The following SLIT2 variants were observed in gnomAD, a reference collection of about 807,000 sequenced individuals.
The protein encoded by SLIT2 is slit homolog 2 protein.
In SLIT2, 41 loss-of-function variants were observed where a neutral mutation model predicts 185.7. The observed-to-expected ratio is 0.22, with a 90% confidence interval of 0.17 to 0.29. SLIT2 has a LOEUF of 0.29. Among genes scored for constraint, SLIT2 ranks in the 10% least tolerant of loss-of-function variants. SLIT2 has a pLI of 1.00. For synonymous variants in SLIT2, 693 were observed against 680.2 expected (o/e 1.02, Z -0.29); for missense variants, 1,571 against 1,909.0 (o/e 0.82, Z 3.30).
chr4:20,356,807 C>T (rs185385686), intron 4 of SLIT2, among the ~76,000 whole-genome samples: 1 of 152,244 alleles, frequency 6.6e-6, no homozygotes, highest in East Asian at 1.9e-4. Context: ...CAGTGCAAAG[C>T]TCTCCGGCCA....
At chr4:20,554,307 G>C (rs1489121797) in intron 26 of SLIT2, 1 of 465,460 alleles carries the variant, frequency 2.1e-6, no homozygotes, top group Non-Finnish European at 4.3e-6. Context: ...CCTGCTCCTA[G>C]GGCTGCCAGG....
chr4:20,279,526 A>G (rs1214205206), intron 4 of SLIT2, among the ~76,000 whole-genome samples: 1 of 152,150 alleles, frequency 6.6e-6, no homozygotes, highest in Non-Finnish European at 1.5e-5. Flanking sequence ...ATTCTATGGT[A>G]CATTATAATG....
Position 20,382,907 on chromosome 4 carries a change from A to G in SLIT2, c.396-84845A>G, listed in dbSNP as rs1724645038. Among the ~76,000 whole-genome samples the G allele has an allele frequency of 2.6e-5, 4 of 152,178 alleles. No homozygotes were observed. The South Asian group carries it at 8.3e-4, about 32-fold the overall frequency. On this transcript the variant is annotated intron_variant, in intron 4 of 36. Coordinates refer to ENST00000504154, the MANE Select transcript of SLIT2 (RefSeq NM_004787.4). ...AAACTGATTTTAAGACTTAATGTAA[A>G]GCTGCAGTACTCTACACAGTGTGGC...
chr4:20,518,900 C>T (rs1720563217), intron 11 of SLIT2, among the ~76,000 whole-genome samples: 1 of 152,054 alleles, frequency 6.6e-6, no homozygotes, highest in East Asian at 1.9e-4. Flanking sequence ...GCCACCGCGC[C>T]CGGCCATGTA....
chr4:20,375,845 T>A (rs1426687955), intron 4 of SLIT2, among the ~76,000 whole-genome samples: 1 of 152,078 alleles, frequency 6.6e-6, no homozygotes, highest in African/African-American at 2.4e-5. Context: ...GCTTTCATTT[T>A]AAAAATATTT....
At chr4:20,365,037 C>T (rs1182213443) in intron 4 of SLIT2, among the ~76,000 whole-genome samples, 2 of 152,120 alleles carry the variant, frequency 1.3e-5, no homozygotes, top group African/African-American at 4.8e-5. Flanking sequence ...CTCTTTCCAG[C>T]TTCGACTCAC....
chr4:20,595,849 G>A lies in SLIT2; in HGVS notation c.3320+15G>A, dbSNP rs1302097550. The A allele has an allele frequency of 3.1e-6, 5 of 1,610,518 alleles. No homozygotes were observed. The highest frequency in any genetic ancestry group is 3.4e-6 in the Non-Finnish European group (4 of 1,177,180). ...GAAGGTTACAGGTAAAAGCAGAAAT[G>A]AATAAGACCTAGTGTTCAATAAGAC... On this transcript the variant is annotated intron_variant, in intron 31 of 36. Transcript: ENST00000504154.
At chr4:20,320,775 C>G (rs1163966348) in intron 4 of SLIT2, among the ~76,000 whole-genome samples, 1 of 152,168 alleles carries the variant, frequency 6.6e-6, no homozygotes, top group Non-Finnish European at 1.5e-5. Flanking sequence ...ATAGCCCACT[C>G]CAACTTCTAT....
At chr4:20,556,729 T>TAAC (rs760421836) in intron 26 of SLIT2, among the ~76,000 whole-genome samples, 5 of 135,540 alleles carry the variant, frequency 3.7e-5, no homozygotes, top group South Asian at 2.5e-4. Context: ...TAGAAATTAT[T>TAAC]AACAACAACA....
chr4:20,457,081 T>C (rs550729508), intron 4 of SLIT2, among the ~76,000 whole-genome samples: 1 of 152,228 alleles, frequency 6.6e-6, no homozygotes, highest in East Asian at 1.9e-4. Context: ...ACCTGGTAAA[T>C]AGGTAATTTT....
At chr4:20,318,866 C>A (rs1718816922) in intron 4 of SLIT2, among the ~76,000 whole-genome samples, 1 of 152,162 alleles carries the variant, frequency 6.6e-6, no homozygotes, top group African/African-American at 2.4e-5. Flanking sequence ...GGATTCCACT[C>A]TGGGGACTTA....
chr4:20,533,684 A>G lies in SLIT2; in HGVS notation c.1801A>G (p.Met601Val). 4 of 1,613,760 alleles carry G rather than the reference A, an allele frequency of 2.5e-6. No individual in the cohort carries two copies. The highest frequency in any genetic ancestry group is 3.4e-6 in the Non-Finnish European group (4 of 1,179,830). ...SNRLENVQHK[M>V]FKGLESLKTL... is the part of the protein sequence containing the mutation. The stretch of plus-strand genomic sequence containing the variant: ...TCGTTTGGAAAATGTGCAGCATAAG[A>G]TGTTCAAGGGATTGGAAAGCCTCAA... Residue 601 changes from methionine to valine, a missense_variant, in exon 18 of 37, where the codon ATG becomes GTG. Coordinates refer to ENST00000504154, the MANE Select transcript of SLIT2 (RefSeq NM_004787.4).
In SLIT2 at chr4:20,467,801, G is replaced by A. The variant is rs974966754; in HGVS notation, c.445G>A (p.Gly149Arg). The change falls in exon 5 of 37, where the codon GGG becomes AGG. Residue 149 changes from glycine (G) to arginine (R), a missense_variant. Physicochemically the swap from Gly to Arg is moderately radical, Grantham distance 125. Transcript: ENST00000504154. ...GGCAATCCCAAGGAAAGCTTTCCGT[G>A]GGGCAGTTGACATAAAAAATTTGTA... The part of the protein sequence containing the change: ...IQAIPRKAFR[G>R]AVDIKNLQLD... The A allele has an allele frequency of 1.3e-6, 2 of 1,592,028 alleles. No individual in the cohort carries two copies. The highest frequency in any genetic ancestry group is 3.4e-5 in the Admixed American group (2 of 58,692).
At chr4:20,328,880 A>G (rs1450364032) in intron 4 of SLIT2, among the ~76,000 whole-genome samples, 1 of 152,108 alleles carries the variant, frequency 6.6e-6, no homozygotes, top group East Asian at 1.9e-4. Context: ...GTGTATGTAC[A>G]TGTGTGCACA....
chr4:20,562,194 C>T (rs530171271), intron 26 of SLIT2, among the ~76,000 whole-genome samples: 2 of 151,916 alleles, frequency 1.3e-5, no homozygotes. Flanking sequence ...TCTATCTTGC[C>T]AATTTAGTGG....
At chr4:20,256,153 A>C (rs1234337498) in intron 1 of SLIT2, among the ~76,000 whole-genome samples, 1 of 152,186 alleles carries the variant, frequency 6.6e-6, no homozygotes, top group African/African-American at 2.4e-5. Flanking sequence ...TATGAATGCA[A>C]GTCTTTGAAG....
At position 20,389,513 on chromosome 4, in the gene SLIT2, G is replaced by A. The variant is rs560908369; in HGVS notation, c.396-78239G>A. ...GTATAATGGGACATTTAAAGAGAGT[G>A]AGAAATTAAGTTGTTATGTGTTTTT... On this transcript the variant is annotated intron_variant, in intron 4 of 36. Transcript: ENST00000504154. 2.0e-5 allele frequency among the ~76,000 whole-genome samples: 3 copies of A among 151,900 alleles called. No homozygotes were observed. In the East Asian group the frequency reaches 5.8e-4, roughly 29 times the overall value.
intron 36 of SLIT2, among the ~76,000 whole-genome samples, 161 bp from the exon 37 acceptor site, chr4:20,618,607 T>A (rs1190334370): frequency 6.6e-6 from 1 of 152,202 alleles, no homozygotes; most frequent in African/African-American, 2.4e-5. Flanking sequence ...TAAAAAGAAG[T>A]ATTTTTCAAA....
intron 4 of SLIT2, among the ~76,000 whole-genome samples, chr4:20,407,902 T>C (rs1726897794): frequency 6.6e-6 from 1 of 152,160 alleles, no homozygotes; most frequent in Non-Finnish European, 1.5e-5. Flanking sequence ...AGGCCTATTC[T>C]GTGATCAAAA....
Sources: gnomAD v4.1 joint callset for allele counts (sites outside exome capture counted in the v4.1 genomes callset) on GRCh38, gnomAD v4.1.1 for gene constraint, MANE v1.5 for transcripts, NCBI Gene and HGNC (gene_info 2026-07-23, HGNC 2026-07-21) for gene names.